SLC7A14: variants seen among roughly 807,000 people sequenced by gnomAD.
SLC7A14 encodes gamma-aminobutyric acid transporter SLC7A14.
SLC7A14 carries 37 observed loss-of-function variants against 60.2 expected under a neutral mutation model. The ratio of observed to expected loss-of-function variants is 0.61; its 90% CI spans 0.47 to 0.81. The LOEUF is 0.81. SLC7A14 is among the 30% of genes least tolerant of loss of function. The pLI, the probability that SLC7A14 is intolerant of heterozygous loss-of-function variation, is 0.00. For missense variants in SLC7A14, 886 were observed against 982.7 expected (o/e 0.90, Z 1.32); for synonymous variants, 399 against 395.8 (o/e 1.01, Z -0.10).
rs1190957557 is a variant in SLC7A14, at chr3:170,464,309, T to C, written c.*2746A>G. 2 of 152,240 alleles carry C rather than the reference T, an allele frequency of 1.3e-5. No homozygotes were observed. Among genetic ancestry groups the C allele is most frequent in the Non-Finnish European group, 2.9e-5 (2 of 68,044 alleles). 9.4% of individuals were successfully genotyped at this position (152,240 alleles called of 1,614,324 possible). On this transcript the variant is annotated 3_prime_UTR_variant, in exon 8 of 8. Coordinates refer to ENST00000231706, the MANE Select transcript of SLC7A14 (RefSeq NM_020949.3). Reference sequence around the variant, plus strand: ...TTTTGCTATTCAGAATTCAATAAAATGTAGGTCTTCCTTGGACTCCCTTCA... The same window carrying C: ...TTTTGCTATTCAGAATTCAATAAAACGTAGGTCTTCCTTGGACTCCCTTCA...
At chr3:170,515,094 C>T (rs1713108019) in intron 2 of SLC7A14, among the ~76,000 whole-genome samples, 1 of 152,026 alleles carries the variant, frequency 6.6e-6, no homozygotes, top group Non-Finnish European at 1.5e-5. Flanking sequence ...AGGTGGATCA[C>T]CTGAGGTCAG....
chr3:170,523,309 T>C (rs1305837843), intron 2 of SLC7A14, among the ~76,000 whole-genome samples: 1 of 152,248 alleles, frequency 6.6e-6, no homozygotes, highest in East Asian at 1.9e-4. Context: ...CTGAAATCTT[T>C]ATTTCAAACA....
chr3:170,473,438 G>T (rs1711512473), intron 7 of SLC7A14, among the ~76,000 whole-genome samples: 1 of 152,302 alleles, frequency 6.6e-6, no homozygotes, highest in South Asian at 2.1e-4. Flanking sequence ...TCCATACTTA[G>T]AACCGAGAGA....
At chr3:170,537,864 T>TTGGG (rs1713895863) in intron 1 of SLC7A14, among the ~76,000 whole-genome samples, 1 of 152,224 alleles carries the variant, frequency 6.6e-6, no homozygotes, top group Non-Finnish European at 1.5e-5. Flanking sequence ...ATTTTCTGCA[T>TTGGG]ATAATGTTAT....
chr3:170,514,759 T>G (rs962429016), intron 2 of SLC7A14, among the ~76,000 whole-genome samples: 3 of 152,204 alleles, frequency 2.0e-5, no homozygotes, highest in Non-Finnish European at 4.4e-5. Flanking sequence ...GAACCAGGAC[T>G]ACTCATTTGC....
intron 1 of SLC7A14, among the ~76,000 whole-genome samples, chr3:170,581,875 C>G (rs1319812728): frequency 2.0e-5 from 3 of 152,096 alleles, no homozygotes; most frequent in Non-Finnish European, 4.4e-5. Context: ...ACTACTGACT[C>G]CAAGTCTTAT....
chr3:170,561,343 C>A, intron 1 of SLC7A14, among the ~76,000 whole-genome samples: 1 of 152,260 alleles, frequency 6.6e-6, no homozygotes, highest in African/African-American at 2.4e-5. Context: ...CATCTTCGTA[C>A]AAAATATATG....
rs1429978163 is a variant in SLC7A14 at position 170,466,346 on chromosome 3, C to G, written c.*709G>C. 6.6e-6 allele frequency: 1 copy of G among 152,178 alleles called. No homozygotes were observed. The highest frequency in any genetic ancestry group is 1.5e-5 in the Non-Finnish European group (1 of 68,048). 9.4% of individuals were successfully genotyped at this position (152,178 alleles called of 1,614,324 possible). On this transcript the variant is annotated 3_prime_UTR_variant, in exon 8 of 8. Coordinates refer to ENST00000231706, the MANE Select transcript of SLC7A14 (RefSeq NM_020949.3). ...GCCAATGCCCTTCTGGCTTTTACCGCAAGATATGGTTATTTAATTTTCTTC... is the reference window on the plus strand; with the variant it reads ...GCCAATGCCCTTCTGGCTTTTACCGGAAGATATGGTTATTTAATTTTCTTC...
chr3:170,528,349 G>C (rs191972740), intron 1 of SLC7A14, among the ~76,000 whole-genome samples: 1 of 152,184 alleles, frequency 6.6e-6, no homozygotes, highest in Non-Finnish European at 1.5e-5. Flanking sequence ...GAAGCCGGAA[G>C]CTGGAGAAAA....
chr3:170,489,636 T>C (rs1310171794), intron 4 of SLC7A14, among the ~76,000 whole-genome samples: 3 of 152,252 alleles, frequency 2.0e-5, no homozygotes, highest in African/African-American at 7.2e-5. Context: ...GATATCTGCA[T>C]TCCTATGTTT....
chr3:170,584,805 G>T (rs1230886051), intron 1 of SLC7A14, among the ~76,000 whole-genome samples: 1 of 152,088 alleles, frequency 6.6e-6, no homozygotes, highest in African/African-American at 2.4e-5. Flanking sequence ...GGGGAGGCAG[G>T]GTGACATCCT....
At chr3:170,484,799 T>A (rs555914974) in intron 5 of SLC7A14, among the ~76,000 whole-genome samples, 1 of 152,280 alleles carries the variant, frequency 6.6e-6, no homozygotes, top group African/African-American at 2.4e-5. Flanking sequence ...AAAGAGAATG[T>A]TTCCTAGTAA....
intron 1 of SLC7A14, among the ~76,000 whole-genome samples, chr3:170,564,951 G>A (rs1224064462): frequency 6.6e-6 from 1 of 151,932 alleles, no homozygotes; most frequent in Non-Finnish European, 1.5e-5. Flanking sequence ...GTGGGTTTTT[G>A]TTTTGTTTTG....
intron 1 of SLC7A14, among the ~76,000 whole-genome samples, chr3:170,554,847 G>A (rs2108307027): frequency 6.6e-6 from 1 of 152,274 alleles, no homozygotes; most frequent in East Asian, 1.9e-4. Context: ...AGTAATCTGT[G>A]AAGAGGTTGC....
intron 1 of SLC7A14, among the ~76,000 whole-genome samples, chr3:170,530,709 G>A (rs1577540773): frequency 6.6e-6 from 1 of 152,314 alleles, no homozygotes; most frequent in South Asian, 2.1e-4. Flanking sequence ...GTAAAAAGGC[G>A]AGGGGTGTGG....
chr3:170,571,025 C>G (rs1714940286), intron 1 of SLC7A14, among the ~76,000 whole-genome samples: 1 of 152,146 alleles, frequency 6.6e-6, no homozygotes, highest in South Asian at 2.1e-4. Flanking sequence ...TTTTCATTCT[C>G]TCACTCAACA....
At chr3:170,560,906 G>A (rs1186445869) in intron 1 of SLC7A14, among the ~76,000 whole-genome samples, 1 of 152,080 alleles carries the variant, frequency 6.6e-6, no homozygotes, top group East Asian at 1.9e-4. Flanking sequence ...ACTTTACCAT[G>A]TACACATGGT....
chr3:170,476,116 A>G (rs548394517), intron 7 of SLC7A14, among the ~76,000 whole-genome samples: 1 of 152,334 alleles, frequency 6.6e-6, no homozygotes, highest in East Asian at 1.9e-4. Context: ...TTGGCTGCCT[A>G]TTAAAATTAC....
chr3:170,584,122 A>G (rs989361787), intron 1 of SLC7A14, among the ~76,000 whole-genome samples: 14 of 152,202 alleles, frequency 9.2e-5, no homozygotes, highest in African/African-American at 3.4e-4. Flanking sequence ...ATGAAATATT[A>G]TTACCCAGCA....
Sources: allele counts gnomAD v4.1 joint callset (sites outside exome capture counted in the v4.1 genomes callset), GRCh38; gene constraint gnomAD v4.1.1; transcripts MANE v1.5; gene names NCBI Gene and HGNC (gene_info 2026-07-23, HGNC 2026-07-21).